TCF20: variants seen among roughly 807,000 people sequenced by gnomAD.
TCF20 encodes the protein transcription factor 20.
A neutral mutation model predicts 148.6 loss-of-function variants in TCF20; 3 were observed. The observed-to-expected ratio is 0.02, with a 90% CI of 0.01 to 0.05. The LOEUF is 0.05. TCF20 is among the 10% of genes least tolerant of loss of function. The pLI is 1.00. For missense variants in TCF20, 2,350 were observed against 2,429.3 expected (o/e 0.97, Z 0.69); for synonymous variants, 1,049 against 909.5 (o/e 1.15, Z -2.76).
chr22:42,241,143 C>T (rs1014377184), intron 1 of TCF20, among the ~76,000 whole-genome samples: 8 of 152,188 alleles, frequency 5.3e-5, no homozygotes, highest in Non-Finnish European at 1.0e-4. Flanking sequence ...CAGGCCTTAG[C>T]CAGCGCGCCT....
Position 42,214,715 on chromosome 22 carries a change from G to A in TCF20, c.591C>T (p.Ala197=). The A allele has an allele frequency of 1.9e-6, 3 of 1,614,172 alleles. No homozygotes were observed. The highest frequency in any genetic ancestry group is 2.5e-6 in the Non-Finnish European group (3 of 1,180,042). Residue 197 remains alanine (A), a synonymous_variant, in exon 2 of 6, where the codon GCC becomes GCT. Transcript: ENST00000677622. ...LYQSHQPLPQ[A]TGQPASSSSH... ...ATGAGCTGGATGCTGGTTGGCCAGT[G>A]GCCTGTGGCAGGGGCTGATGGGACT...
chr22:42,268,100 C>T lies in TCF20; in HGVS notation c.-37+2239G>A, dbSNP rs151239871. The stretch of plus-strand genomic sequence containing the variant: ...GGTAGAGGCTGCAGTGAGCTGAGAT[C>T]GTGCCACTGCACTCCAGCCTGGACA... On this transcript the variant is annotated intron_variant, in intron 1 of 5. Transcript: ENST00000677622. 1.0e-3 allele frequency among the ~76,000 whole-genome samples: 150 copies of T among 147,988 alleles called. 1 individual carries two copies. The East Asian group carries it at 0.025, about 25-fold the overall frequency.
At chr22:42,187,901 T>C (rs1198193453) in intron 2 of TCF20, among the ~76,000 whole-genome samples, 1 of 152,164 alleles carries the variant, frequency 6.6e-6, no homozygotes, top group Non-Finnish European at 1.5e-5. Context: ...AAACAAATAA[T>C]GAGAAGTTAG....
chr22:42,191,546 C>T (rs1230861598), intron 2 of TCF20, among the ~76,000 whole-genome samples: 1 of 152,184 alleles, frequency 6.6e-6, no homozygotes, highest in Non-Finnish European at 1.5e-5. Context: ...TCCTCGGCCT[C>T]CCAAAGTGCG....
intron 1 of TCF20, among the ~76,000 whole-genome samples, chr22:42,244,953 C>A (rs966793472): frequency 3.3e-5 from 5 of 152,020 alleles, no homozygotes; most frequent in Admixed American, 3.3e-4. Flanking sequence ...CATGGTGGTG[C>A]GCACCTGTAA....
At chr22:42,330,669 G>C (rs1453677000) in intron 1 of TCF20, among the ~76,000 whole-genome samples, 1 of 152,222 alleles carries the variant, frequency 6.6e-6, no homozygotes, top group Admixed American at 6.5e-5. Flanking sequence ...TTGACCTTCA[G>C]TGACAACACA....
At chr22:42,281,850 T>C (rs914674904) in intron 1 of TCF20, among the ~76,000 whole-genome samples, 1 of 152,204 alleles carries the variant, frequency 6.6e-6, no homozygotes, top group African/African-American at 2.4e-5. Context: ...GGCTCCTCTA[T>C]GCCCAGCTCT....
At chr22:42,272,246 C>A (rs935169447), upstream of TCF20, among the ~76,000 whole-genome samples, 1 of 152,190 alleles carries the variant, frequency 6.6e-6, no homozygotes, top group East Asian at 1.9e-4. Flanking sequence ...TTTTAAAAGA[C>A]CAGTACCTGG....
intron 1 of TCF20, among the ~76,000 whole-genome samples, chr22:42,326,216 C>A (rs1024870702): frequency 9.2e-5 from 14 of 152,152 alleles, no homozygotes; most frequent in Non-Finnish European, 1.5e-5. Context: ...AGCGGGACCA[C>A]CCCTGCTCCC....
At chr22:42,201,447 GCT>G (rs766773558) in intron 2 of TCF20, among the ~76,000 whole-genome samples, 1 of 152,114 alleles carries the variant, frequency 6.6e-6, no homozygotes, top group Non-Finnish European at 1.5e-5. Flanking sequence ...GCCTTTTAGT[GCT>G]GACATGTTAA....
At chr22:42,256,052 CT>C (rs1925724279) in intron 1 of TCF20, among the ~76,000 whole-genome samples, 1 of 152,150 alleles carries the variant, frequency 6.6e-6, no homozygotes, top group Non-Finnish European at 1.5e-5. Flanking sequence ...CACTCTTCCA[CT>C]TGTCTCTCTC....
Position 42,200,214 on chromosome 22 carries a change from C to G in TCF20, c.5655+9437G>C, listed in dbSNP as rs897162977. Among the ~76,000 whole-genome samples the G allele has an allele frequency of 5.9e-5, 9 of 152,098 alleles. 1 individual carries two copies. Among genetic ancestry groups the G allele is most frequent in the Admixed American group, 3.3e-4 (5 of 15,260 alleles). Reference sequence around the variant, plus strand: ...AACGCAAACCTAAATTTCTTTTCTTCAACCCTTCTTTCTGTTATTGGTATG... The same window carrying G: ...AACGCAAACCTAAATTTCTTTTCTTGAACCCTTCTTTCTGTTATTGGTATG... On this transcript the variant is annotated intron_variant, in intron 2 of 5. Coordinates refer to ENST00000677622, the MANE Select transcript of TCF20 (RefSeq NM_001378418.1).
chr22:42,173,115 T>A (rs1426618193), intron 3 of TCF20, among the ~76,000 whole-genome samples: 1 of 140,642 alleles, frequency 7.1e-6, no homozygotes, highest in Non-Finnish European at 1.5e-5. Flanking sequence ...TGTTTTTTCA[T>A]GAGAGTAGAA....
intron 1 of TCF20, among the ~76,000 whole-genome samples, chr22:42,302,275 T>A (rs1344841338): frequency 1.3e-5 from 2 of 151,884 alleles, no homozygotes; most frequent in Non-Finnish European, 2.9e-5. Flanking sequence ...AGGCTGGTGG[T>A]GGCTGCAGCT....
exon 1 of TCF20, chr22:42,343,517 G>A (rs1362465096): frequency 6.8e-6 from 1 of 148,006 alleles, no homozygotes; most frequent in Non-Finnish European, 1.5e-5. Context: ...CCGCAGGAGA[G>A]CCCGGGCAGC....
intron 1 of TCF20, among the ~76,000 whole-genome samples, chr22:42,251,993 C>A (rs941326566): frequency 6.0e-5 from 9 of 150,940 alleles, no homozygotes; most frequent in Non-Finnish European, 8.8e-5. Context: ...CACCTGAGGT[C>A]GGGAGTTTGA....
rs1469828536 is a variant in TCF20, at chr22:42,213,902, G to A, written c.1404C>T (p.Asn468=). 1.2e-6 allele frequency: 2 copies of A among 1,614,064 alleles called. No individual in the cohort carries two copies. The highest frequency in any genetic ancestry group is 1.7e-5 in the Admixed American group (1 of 60,002). ...CAGAAAGTAACATGTGCTGGACAGTGTTAGGAAGATTGGCCACTTGAGTAC... is the reference window on the plus strand; with the variant it reads ...CAGAAAGTAACATGTGCTGGACAGTATTAGGAAGATTGGCCACTTGAGTAC... ...ALSTQVANLP[N]TVQHMLLSDA... is the part of the protein sequence containing the mutation. The change falls in exon 2 of 6, where the codon AAC becomes AAT. Residue 468 remains asparagine, a synonymous_variant. Transcript: ENST00000677622.
At chr22:42,336,213 G>A (rs945012813) in intron 1 of TCF20, among the ~76,000 whole-genome samples, 11 of 152,154 alleles carry the variant, frequency 7.2e-5, no homozygotes, top group Admixed American at 6.5e-4. Context: ...CAAGAACTGG[G>A]TGTGTCCAGG....
chr22:42,177,789 C>T (rs1002096432), intron 3 of TCF20, among the ~76,000 whole-genome samples: 1 of 152,200 alleles, frequency 6.6e-6, no homozygotes, highest in Non-Finnish European at 1.5e-5. Flanking sequence ...AATTCCTGAG[C>T]AATTAGGGGT....
Sources: gnomAD v4.1 joint callset for allele counts (sites outside exome capture counted in the v4.1 genomes callset) on GRCh38, gnomAD v4.1.1 for gene constraint, MANE v1.5 for transcripts, NCBI Gene and HGNC (gene_info 2026-07-23, HGNC 2026-07-21) for gene names.